The following CNTNAP2 variants were observed in gnomAD, a reference collection of about 807,000 sequenced individuals.
The protein encoded by CNTNAP2 is contactin-associated protein-like 2.
CNTNAP2 carries 98 observed loss-of-function variants against 155.2 expected under a neutral mutation model. The ratio of observed to expected loss-of-function variants is 0.63; its 90% CI spans 0.54 to 0.75. The LOEUF is 0.75. Among genes scored for constraint, CNTNAP2 ranks in the 30% least tolerant of loss-of-function variants. The pLI is 0.00. For missense variants in CNTNAP2, 1,727 were observed against 1,688.1 expected (o/e 1.02, Z -0.40); for synonymous variants, 651 against 631.2 (o/e 1.03, Z -0.47).
chr7:147,342,216 T>C (rs921059606), intron 9 of CNTNAP2, among the ~76,000 whole-genome samples: 1 of 152,114 alleles, frequency 6.6e-6, no homozygotes, highest in African/African-American at 2.4e-5. Flanking sequence ...TTTCAACATA[T>C]GAATTCAGTT....
At chr7:147,440,134 T>G (rs1390330067) in intron 10 of CNTNAP2, among the ~76,000 whole-genome samples, 1 of 152,032 alleles carries the variant, frequency 6.6e-6, no homozygotes, top group African/African-American at 2.4e-5. Context: ...TTTTGTGGTC[T>G]TCTCTTCCTT....
chr7:146,370,134 T>C (rs1795213402), intron 1 of CNTNAP2, among the ~76,000 whole-genome samples: 1 of 151,670 alleles, frequency 6.6e-6, no homozygotes, highest in African/African-American at 2.4e-5. Context: ...AAAAAGTTTT[T>C]TCTTGCTGGG....
chr7:147,901,675 C>T (rs930949321), intron 13 of CNTNAP2, among the ~76,000 whole-genome samples: 1 of 152,230 alleles, frequency 6.6e-6, no homozygotes, highest in African/African-American at 2.4e-5. Flanking sequence ...CTTCAAGATG[C>T]AGCTCAACTA....
intron 21 of CNTNAP2, among the ~76,000 whole-genome samples, chr7:148,270,540 C>T (rs11982145): frequency 0.2 from 30,515 of 152,156 alleles, 3,176 homozygotes; most frequent in Middle Eastern, 0.25. Context: ...CTCATAGTTC[C>T]ACCATATACT....
chr7:148,229,888 CT>C, intron 20 of CNTNAP2, 109 bp downstream of exon 20: 1 of 1,231,570 alleles, frequency 8.1e-7, no homozygotes, highest in Non-Finnish European at 1.2e-6. Flanking sequence ...AGAAGAGATG[CT>C]TTTTACACTT....
At chr7:146,969,823 C>A (rs1797743738) in intron 3 of CNTNAP2, among the ~76,000 whole-genome samples, 1 of 152,114 alleles carries the variant, frequency 6.6e-6, no homozygotes, top group Non-Finnish European at 1.5e-5. Flanking sequence ...TACAAGGCTA[C>A]AGTAATCAAA....
intron 13 of CNTNAP2, among the ~76,000 whole-genome samples, chr7:147,695,201 G>A (rs1189447217): frequency 6.6e-6 from 1 of 152,114 alleles, no homozygotes; most frequent in Non-Finnish European, 1.5e-5. Context: ...TTTGGTCTGA[G>A]AGCAGACACT....
intron 12 of CNTNAP2, among the ~76,000 whole-genome samples, chr7:147,624,271 TA>T (rs555016625): frequency 7.5e-4 from 111 of 148,200 alleles, no homozygotes; most frequent in Non-Finnish European, 1.2e-3. Context: ...CAGCTCAAGT[TA>T]AAAAAAAAAC....
At chr7:147,897,338 T>C (rs1799793358) in intron 13 of CNTNAP2, among the ~76,000 whole-genome samples, 1 of 152,190 alleles carries the variant, frequency 6.6e-6, no homozygotes, top group African/African-American at 2.4e-5. Context: ...TATATAATCT[T>C]TCATTGGTTA....
chr7:146,158,647 T>C (rs866941734), intron 1 of CNTNAP2, among the ~76,000 whole-genome samples: 4 of 152,164 alleles, frequency 2.6e-5, no homozygotes, highest in South Asian at 4.2e-4. Flanking sequence ...GTACCAGTGA[T>C]TGAAGATCAA....
chr7:148,316,173 T>A (rs1047430990), intron 21 of CNTNAP2, among the ~76,000 whole-genome samples: 1 of 151,878 alleles, frequency 6.6e-6, no homozygotes, highest in Non-Finnish European at 1.5e-5. Context: ...ATAGAGCAAC[T>A]GGGATTAAAA....
At chr7:146,126,352 TAC>T (rs1797637547) in intron 1 of CNTNAP2, among the ~76,000 whole-genome samples, 1 of 152,218 alleles carries the variant, frequency 6.6e-6, no homozygotes, top group African/African-American at 2.4e-5. Flanking sequence ...ACTTAAAAAT[TAC>T]ATTGGTAAAA....
intron 1 of CNTNAP2, among the ~76,000 whole-genome samples, chr7:146,296,076 C>A (rs1800510388): frequency 6.6e-6 from 1 of 152,020 alleles, no homozygotes; most frequent in South Asian, 2.1e-4. Flanking sequence ...CCATTTGCAT[C>A]CCATTGCTTG....
At chr7:146,343,181 A>G (rs542011226) in intron 1 of CNTNAP2, among the ~76,000 whole-genome samples, 18 of 152,250 alleles carry the variant, frequency 1.2e-4, no homozygotes, top group African/African-American at 4.3e-4. Context: ...TTGCTGAAAG[A>G]TGAACAACAA....
chr7:147,060,705 T>C (rs1187431099), intron 4 of CNTNAP2, among the ~76,000 whole-genome samples: 1 of 151,752 alleles, frequency 6.6e-6, no homozygotes, highest in African/African-American at 2.4e-5. Flanking sequence ...TACTAAAAAA[T>C]ACAAAAAAAT....
At chr7:146,801,350 G>C (rs774219939) in intron 2 of CNTNAP2, among the ~76,000 whole-genome samples, 1 of 152,064 alleles carries the variant, frequency 6.6e-6, no homozygotes, top group South Asian at 2.1e-4. Flanking sequence ...AACATTTGTG[G>C]CCACATTTCC....
rs11977394 is a variant in CNTNAP2 at position 147,084,005 on chromosome 7, A to G, written c.551-24142A>G. ...ATATATGTATATATAATACATATAT[A>G]CATAATGCTATATATGTATATATAA... On this transcript the variant is annotated intron_variant, in intron 4 of 23. Transcript: ENST00000361727. Among the ~76,000 whole-genome samples, 908 of 130,026 alleles carry G rather than the reference A, an allele frequency of 7.0e-3. 18 individuals are homozygous for G. The highest frequency in any genetic ancestry group is 0.059 in the East Asian group (193 of 3,248). The allele number at this position is 130,026 out of a possible 152,430, so 85.3% of individuals were successfully genotyped here.
At chr7:146,704,555 T>C (rs1034519667) in intron 1 of CNTNAP2, among the ~76,000 whole-genome samples, 4 of 152,146 alleles carry the variant, frequency 2.6e-5, no homozygotes, top group Non-Finnish European at 4.4e-5. Flanking sequence ...GTCCTGTGTC[T>C]ATGTTCCCAT....
chr7:147,663,122 C>T (rs1210133802), intron 13 of CNTNAP2, among the ~76,000 whole-genome samples: 1 of 152,198 alleles, frequency 6.6e-6, no homozygotes, highest in Non-Finnish European at 1.5e-5. Context: ...CCTCAGCCTC[C>T]TGAGCAGCTG....
Sources: allele counts gnomAD v4.1 joint callset (sites outside exome capture counted in the v4.1 genomes callset), GRCh38; gene constraint gnomAD v4.1.1; transcripts MANE v1.5; gene names NCBI Gene and HGNC (gene_info 2026-07-23, HGNC 2026-07-21).